CLHC1: variants seen among roughly 807,000 people sequenced by gnomAD.
CLHC1 encodes clathrin heavy chain linker domain-containing protein 1.
A neutral mutation model predicts 69.5 loss-of-function variants in CLHC1; 72 were observed. The observed-to-expected ratio is 1.04, with a 90% CI of 0.86 to 1.26. The LOEUF is 1.26. Ranked by LOEUF, CLHC1 falls within the 50% of genes most tolerant of loss-of-function variation. The pLI, the probability that CLHC1 is intolerant of heterozygous loss-of-function variation, is 0.00. For missense variants in CLHC1, 790 were observed against 679.3 expected (o/e 1.16, Z -1.81); for synonymous variants, 223 against 224.3 (o/e 0.99, Z 0.05).
intron 9 of CLHC1, among the ~76,000 whole-genome samples, chr2:55,184,482 T>C (rs1381361104): frequency 6.6e-6 from 1 of 152,206 alleles, no homozygotes; most frequent in Non-Finnish European, 1.5e-5. Context: ...AATGCAAGTG[T>C]ATAGTAAAGA....
intron 1 of CLHC1, among the ~76,000 whole-genome samples, chr2:55,229,165 A>AAAG (rs1675012715): frequency 7.3e-6 from 1 of 137,042 alleles, no homozygotes; most frequent in Non-Finnish European, 1.6e-5. Context: ...AAAAAAAAAA[A>AAAG]AAAAGAAAGA....
chr2:55,190,914 T>C (rs978675344), intron 9 of CLHC1, among the ~76,000 whole-genome samples: 19 of 151,888 alleles, frequency 1.3e-4, no homozygotes, highest in African/African-American at 2.9e-4. Flanking sequence ...AATAAAACTA[T>C]ACTAACACTC....
Position 55,222,556 on chromosome 2 carries a change from T to G in CLHC1, c.-82-63A>C, listed in dbSNP as rs560420531. The G allele has an allele frequency of 6.1e-5, 36 of 590,752 alleles. No homozygotes were observed. In the African/African-American group the frequency reaches 6.6e-4, roughly 11 times the overall value. 36.6% of individuals were successfully genotyped at this position (590,752 alleles called of 1,614,324 possible). On this transcript the variant is annotated intron_variant, in intron 2 of 12. Coordinates refer to ENST00000401408, the MANE Select transcript of CLHC1 (RefSeq NM_152385.4). Reference sequence around the variant, plus strand: ...TTTTAACTTAAGTCAAATATTGATCTAAAAATGTATTTTTTTTAGAAAAAA... The same window carrying G: ...TTTTAACTTAAGTCAAATATTGATCGAAAAATGTATTTTTTTTAGAAAAAA...
At chr2:55,177,542 C>G in intron 12 of CLHC1, 60 bp downstream of exon 12, 2 of 1,273,598 alleles carry the variant, frequency 1.6e-6, no homozygotes, top group Non-Finnish European at 2.2e-6. Context: ...GCATAACCAT[C>G]TTGAACCTCT....
At chr2:55,205,894 C>CAAAA (rs5831343) in intron 9 of CLHC1, among the ~76,000 whole-genome samples, 1 of 143,022 alleles carries the variant, frequency 7.0e-6, no homozygotes, top group African/African-American at 2.6e-5. Context: ...AACTCTGTCT[C>CAAAA]AAAAAAAAAA....
chr2:55,191,466 C>T (rs1048570372), intron 9 of CLHC1, among the ~76,000 whole-genome samples: 2 of 152,142 alleles, frequency 1.3e-5, no homozygotes, highest in African/African-American at 2.4e-5. Context: ...GAACTTCTGA[C>T]CTTGTGATCT....
At position 55,173,673 on chromosome 2, in the gene CLHC1, T is replaced by C. The variant is rs914659512; in HGVS notation, c.*2117A>G. Among the ~76,000 whole-genome samples the C allele has an allele frequency of 3.3e-5, 5 of 152,220 alleles. No individual in the cohort carries two copies. Among genetic ancestry groups the C allele is most frequent in the Non-Finnish European group, 5.9e-5 (4 of 68,040 alleles). ...AGGCTCTTATAGCTTCAAAGCCCTC[T>C]GTAGCTCACAACTCAATTCTTTCTC... On this transcript the variant is annotated 3_prime_UTR_variant, in exon 13 of 13. Coordinates refer to ENST00000401408, the MANE Select transcript of CLHC1 (RefSeq NM_152385.4).
chr2:55,184,204 C>A (rs959398405), intron 9 of CLHC1, among the ~76,000 whole-genome samples: 1 of 150,360 alleles, frequency 6.7e-6, no homozygotes, highest in African/African-American at 2.5e-5. Context: ...TTCCCAGGCT[C>A]AGGTGATCCT....
At position 55,209,700 on chromosome 2, in the gene CLHC1, C is replaced by G; in HGVS notation, c.631G>C (p.Asp211His). Residue 211 changes from aspartate to histidine, a missense_variant, in exon 6 of 13, where the codon GAT (aspartate) becomes CAT (histidine). Coordinates refer to ENST00000401408, the MANE Select transcript of CLHC1 (RefSeq NM_152385.4). ...YVPAQRKADL[D>H]EEMIVLLKRR... ...TTTAATAACACAATCATTTCTTCAT[C>G]TAAATCAGCCTTCCTCTGAGCTGGC... is the stretch of plus-strand genomic sequence containing the variant. The G allele has an allele frequency of 1.2e-6, 2 of 1,614,088 alleles. No homozygotes were observed. The highest frequency in any genetic ancestry group is 1.7e-6 in the Non-Finnish European group (2 of 1,180,000).
At chr2:55,195,448 G>T (rs966323553) in intron 9 of CLHC1, among the ~76,000 whole-genome samples, 5 of 152,220 alleles carry the variant, frequency 3.3e-5, no homozygotes, top group Non-Finnish European at 7.3e-5. Context: ...CAGGAAGGCA[G>T]AGCAAGATGA....
At chr2:55,224,254 A>G in intron 2 of CLHC1, 2 of 347,056 alleles carry the variant, frequency 5.8e-6, no homozygotes, top group South Asian at 2.3e-5. Flanking sequence ...CTGATAATGT[A>G]CTTGATTCCA....
In CLHC1 at chr2:55,222,227, T is replaced by G. The variant is rs775770786; in HGVS notation, c.177+8A>C. 1 of 1,604,468 alleles carries G rather than the reference T, an allele frequency of 6.2e-7. No homozygotes were observed. The highest frequency in any genetic ancestry group is 1.7e-5 in the Admixed American group (1 of 59,728). On this transcript the variant is annotated splice_region_variant and intron_variant, in intron 3 of 12. Coordinates refer to ENST00000401408, the MANE Select transcript of CLHC1 (RefSeq NM_152385.4). Reference sequence around the variant, plus strand: ...GAAAACTTAATTGTCTTAAAAGCTTTATGATACCTTATCAAAAACATTTCG... The same window carrying G: ...GAAAACTTAATTGTCTTAAAAGCTTGATGATACCTTATCAAAAACATTTCG...
chr2:55,202,542 G>C (rs1477213355), intron 9 of CLHC1, among the ~76,000 whole-genome samples: 1 of 148,596 alleles, frequency 6.7e-6, no homozygotes, highest in Admixed American at 6.7e-5. Context: ...GGGGACAAGA[G>C]TGAGACTCTG....
At chr2:55,177,276 T>A (rs974092972) in intron 12 of CLHC1, among the ~76,000 whole-genome samples, 1 of 152,194 alleles carries the variant, frequency 6.6e-6, no homozygotes, top group Non-Finnish European at 1.5e-5. Flanking sequence ...AGTTTATATC[T>A]ACATAACATT....
chr2:55,207,857 T>C (rs1335293434), intron 8 of CLHC1, among the ~76,000 whole-genome samples: 2 of 152,200 alleles, frequency 1.3e-5, no homozygotes, highest in African/African-American at 4.8e-5. Context: ...GTACACAGAA[T>C]AACATTTTGT....
chr2:55,185,832 T>C (rs562784919), intron 9 of CLHC1, among the ~76,000 whole-genome samples: 1 of 152,216 alleles, frequency 6.6e-6, no homozygotes, highest in Non-Finnish European at 1.5e-5. Context: ...GAAAATGTTA[T>C]AGGAAAATAC....
At chr2:55,222,523 TAATA>T in intron 2 of CLHC1, 30 bp from the exon 3 acceptor site, 1 of 730,932 alleles carries the variant, frequency 1.4e-6, no homozygotes, top group Non-Finnish European at 2.2e-6. Flanking sequence ...TCAATTAATA[TAATA>T]ATTTTTTAAC....
intron 12 of CLHC1, among the ~76,000 whole-genome samples, chr2:55,176,594 C>T (rs1669410098): frequency 6.6e-6 from 1 of 152,062 alleles, no homozygotes; most frequent in Non-Finnish European, 1.5e-5. Flanking sequence ...TTAAAAATAT[C>T]TTAGTGATCT....
At chr2:55,210,445 C>T (rs528845087) in intron 5 of CLHC1, among the ~76,000 whole-genome samples, 153 of 151,800 alleles carry the variant, frequency 1.0e-3, no homozygotes, top group Non-Finnish European at 1.8e-3. Context: ...ATTCGCTCGC[C>T]TCGGCCTCTC....
Sources: allele counts gnomAD v4.1 joint callset (sites outside exome capture counted in the v4.1 genomes callset), GRCh38; gene constraint gnomAD v4.1.1; transcripts MANE v1.5; gene names NCBI Gene and HGNC (gene_info 2026-07-23, HGNC 2026-07-21).